The following RBFOX1 variants were observed in gnomAD, a reference collection of about 807,000 sequenced individuals.
RBFOX1 encodes RNA binding fox-1 homolog 1, also known as RNA binding protein fox-1 homolog 1.
Under a neutral mutation model 57.7 loss-of-function variants are expected in RBFOX1, and 8 were observed. That is an observed-to-expected ratio of 0.14 (90% CI 0.08 to 0.25). RBFOX1 has a LOEUF of 0.25. Ranked by LOEUF, RBFOX1 falls within the 10% of genes least tolerant of loss-of-function variation. The probability of loss-of-function intolerance (pLI) is 1.00; values close to 1 mark genes in which losing one functional copy is unlikely to be tolerated. For missense variants in RBFOX1, 611 were observed against 548.5 expected (o/e 1.11, Z -1.14); for synonymous variants, 326 against 222.4 (o/e 1.47, Z -4.15).
intron 4 of RBFOX1, among the ~76,000 whole-genome samples, chr16:7,494,515 C>G (rs545614184): frequency 6.6e-6 from 1 of 152,116 alleles, no homozygotes; most frequent in African/African-American, 2.4e-5. Context: ...CAAGTCACTT[C>G]GCTTAAATAA....
chr16:7,670,013 C>G (rs2070850514), intron 13 of RBFOX1, among the ~76,000 whole-genome samples: 1 of 152,174 alleles, frequency 6.6e-6, no homozygotes, highest in Admixed American at 6.5e-5. Context: ...AATCTTACCT[C>G]TATTTTTCTG....
At chr16:6,594,649 G>T (rs1351563061) in intron 2 of RBFOX1, among the ~76,000 whole-genome samples, 2 of 151,852 alleles carry the variant, frequency 1.3e-5, no homozygotes, top group African/African-American at 4.8e-5. Flanking sequence ...GTATGTTCAG[G>T]TTGTGGATTG....
rs1386337023 is a variant in RBFOX1, at chr16:5,783,221, C to T, written c.319-84082C>T. On this transcript the variant is annotated intron_variant, in intron 3 of 19. Transcript: ENST00000641259. ...AAATAAAATTCGGCTCTTGAAGATA[C>T]AGTTCAGTGAGGTTTTGATAGAAAT... is the stretch of plus-strand genomic sequence containing the variant. Among the ~76,000 whole-genome samples the T allele has an allele frequency of 3.3e-5, 5 of 152,326 alleles. No homozygotes were observed. In the East Asian group the frequency reaches 9.6e-4, roughly 29 times the overall value.
chr16:6,656,327 A>T (rs563928768), intron 3 of RBFOX1, among the ~76,000 whole-genome samples: 2 of 152,198 alleles, frequency 1.3e-5, no homozygotes, highest in African/African-American at 4.8e-5. Context: ...TTAATTGCCA[A>T]TAGTGCTTGA....
chr16:6,520,421 T>G (rs1348356677), intron 2 of RBFOX1, among the ~76,000 whole-genome samples: 1 of 152,198 alleles, frequency 6.6e-6, no homozygotes. Flanking sequence ...AAAATCCTAA[T>G]TTTTAAAACA....
At chr16:7,348,952 A>G (rs1015623071) in intron 4 of RBFOX1, among the ~76,000 whole-genome samples, 3 of 152,162 alleles carry the variant, frequency 2.0e-5, no homozygotes, top group African/African-American at 7.2e-5. Context: ...AAAGAAAAAA[A>G]GAATGAAGAG....
chr16:5,886,918 T>C (rs1045051899), intron 4 of RBFOX1, among the ~76,000 whole-genome samples: 1 of 152,106 alleles, frequency 6.6e-6, no homozygotes, highest in Non-Finnish European at 1.5e-5. Context: ...CAATCATTCA[T>C]TGTGTCCTAT....
chr16:7,078,075 C>G (rs573194773), intron 4 of RBFOX1, among the ~76,000 whole-genome samples: 2 of 152,330 alleles, frequency 1.3e-5, no homozygotes, highest in African/African-American at 2.4e-5. Flanking sequence ...TTGCCTCTCT[C>G]TACCACTTGC....
At chr16:6,695,071 T>A (rs1299806004) in intron 3 of RBFOX1, among the ~76,000 whole-genome samples, 1 of 151,932 alleles carries the variant, frequency 6.6e-6, no homozygotes, top group Admixed American at 6.6e-5. Context: ...AACTTTTAGA[T>A]GAATGCTATT....
Position 6,098,776 on chromosome 16 carries a change from C to T in RBFOX1, c.-127+78784C>T, listed in dbSNP as rs571983096. Among the ~76,000 whole-genome samples, 12 of 152,304 alleles carry T rather than the reference C, an allele frequency of 7.9e-5. No homozygotes were observed. In the East Asian group the frequency reaches 2.1e-3, roughly 27 times the overall value. On this transcript the variant is annotated intron_variant, in intron 1 of 15. Transcript: ENST00000550418. ...CAATCACTGTTTTACTAACAAGTTC[C>T]TCAGGGGACTCTGAGACACACCCAT...
chr16:5,963,182 T>C (rs1008516426), intron 4 of RBFOX1, among the ~76,000 whole-genome samples: 1 of 152,200 alleles, frequency 6.6e-6, no homozygotes, highest in African/African-American at 2.4e-5. Flanking sequence ...CATCCGTCTT[T>C]ATAGGTTAGG....
intron 10 of RBFOX1, among the ~76,000 whole-genome samples, chr16:7,624,193 T>C (rs960590991): frequency 2.0e-5 from 3 of 152,220 alleles, no homozygotes; most frequent in African/African-American, 4.8e-5. Context: ...GTAAATATTC[T>C]TTGGCAAATA....
At chr16:6,617,894 C>G (rs115844009) in intron 2 of RBFOX1, among the ~76,000 whole-genome samples, 1 of 152,194 alleles carries the variant, frequency 6.6e-6, no homozygotes, top group East Asian at 1.9e-4. Flanking sequence ...CTAGAAGTGT[C>G]TGGGGGCAGG....
chr16:6,326,034 G>A (rs532610271), intron 2 of RBFOX1, among the ~76,000 whole-genome samples: 8 of 152,272 alleles, frequency 5.3e-5, no homozygotes, highest in African/African-American at 1.9e-4. Context: ...GTGTGTGTGT[G>A]TACATGCATA....
At chr16:6,854,532 C>A (rs1305253494) in intron 3 of RBFOX1, among the ~76,000 whole-genome samples, 1 of 150,724 alleles carries the variant, frequency 6.6e-6, no homozygotes. Flanking sequence ...TTTTGCCTGG[C>A]CAACGACATC....
intron 3 of RBFOX1, among the ~76,000 whole-genome samples, chr16:6,903,505 A>G (rs529157652): frequency 6.6e-6 from 1 of 152,326 alleles, no homozygotes; most frequent in East Asian, 1.9e-4. Context: ...GGTAAAATAA[A>G]TACATGATGT....
chr16:5,762,171 T>G (rs918701933), intron 3 of RBFOX1, among the ~76,000 whole-genome samples: 2 of 152,180 alleles, frequency 1.3e-5, no homozygotes, highest in Non-Finnish European at 2.9e-5. Flanking sequence ...CTCCATTCTT[T>G]CCTCTTCATC....
chr16:6,692,122 A>G (rs1169497374), intron 3 of RBFOX1, among the ~76,000 whole-genome samples: 1 of 152,234 alleles, frequency 6.6e-6, no homozygotes, highest in Non-Finnish European at 1.5e-5. Flanking sequence ...AGTAAGTTTA[A>G]TTAAGTAAGT....
At chr16:6,271,159 C>T (rs180866797) in intron 1 of RBFOX1, among the ~76,000 whole-genome samples, 434 of 152,292 alleles carry the variant, frequency 2.8e-3, no homozygotes, top group Middle Eastern at 0.024. Flanking sequence ...TGTGGTGGCT[C>T]ACACTTGCAA....
Sources: gnomAD v4.1 joint callset for allele counts (sites outside exome capture counted in the v4.1 genomes callset) on GRCh38, gnomAD v4.1.1 for gene constraint, MANE v1.5 for transcripts, NCBI Gene and HGNC (gene_info 2026-07-23, HGNC 2026-07-21) for gene names.